The following RPS6KL1 variants were observed in gnomAD, a reference collection of about 807,000 sequenced individuals.
RPS6KL1 encodes the protein ribosomal protein S6 kinase like 1.
RPS6KL1 carries 41 observed loss-of-function variants against 57.0 expected under a neutral mutation model. The ratio of observed to expected loss-of-function variants is 0.72; its 90% confidence interval spans 0.56 to 0.93. RPS6KL1 has a LOEUF of 0.93. Ranked by LOEUF, RPS6KL1 falls within the 40% of genes least tolerant of loss-of-function variation. The probability of loss-of-function intolerance (pLI) is 0.00; values close to 1 mark genes in which losing one functional copy is unlikely to be tolerated. For synonymous variants in RPS6KL1, 287 were observed against 309.7 expected (o/e 0.93, Z 0.77); for missense variants, 697 against 727.7 (o/e 0.96, Z 0.49).
chr14:74,918,554 C>T lies in RPS6KL1; in HGVS notation c.442G>A (p.Glu148Lys). 4 of 1,534,714 alleles carry T rather than the reference C, an allele frequency of 2.6e-6. No individual in the cohort carries two copies. In the South Asian group the frequency reaches 3.6e-5, roughly 14 times the overall value. ...RPIRTLSSAV[E>K]QLRGCRVVGV... ...ACCACCCTGCAGCCCCTCAGCTGCTCCACGGCAGAGCTCAGCGTGCGAATG... is the reference window on the plus strand; with the variant it reads ...ACCACCCTGCAGCCCCTCAGCTGCTTCACGGCAGAGCTCAGCGTGCGAATG... Residue 148 changes from glutamate (E) to lysine (K), a missense_variant, in exon 5 of 12, where the codon GAG becomes AAG. Physicochemically the swap from Glu to Lys is moderately conservative, Grantham distance 56. Transcript: ENST00000557413.
chr14:74,917,997 C>T (rs1887136813), intron 5 of RPS6KL1, among the ~76,000 whole-genome samples: 1 of 152,210 alleles, frequency 6.6e-6, no homozygotes, highest in South Asian at 2.1e-4. Context: ...TAGCTCCTCG[C>T]TCCTCCTGCA....
rs1167481671 is a variant in RPS6KL1, at chr14:74,922,228, C to G, written c.-271G>C. On this transcript the variant is annotated 5_prime_UTR_variant, in exon 2 of 12. Transcript: ENST00000557413. ...CGTAGAGCAAGCTTGGTATCCAGTA[C>G]GCATTCAGCACATGGAGGCCACACA... The G allele has an allele frequency of 1.3e-5, 13 of 986,366 alleles. No homozygotes were observed. The highest frequency in any genetic ancestry group is 1.7e-5 in the African/African-American group (1 of 57,228). The allele number at this position is 986,366 out of a possible 1,614,324, so 61.1% of individuals were successfully genotyped here.
Position 74,906,922 on chromosome 14 carries a change from G to GTTGA in RPS6KL1, c.*91_*92insTCAA, listed in dbSNP as rs1884981746. On this transcript the variant is annotated 3_prime_UTR_variant, in exon 12 of 12. Coordinates refer to ENST00000557413, the MANE Select transcript of RPS6KL1 (RefSeq NM_031464.5). ...GCCCTCCATTCCTCGCCCAAAGCCC[G>GTTGA]CTGATAGAGGGCCAGCCCTGGGTTG... 3.8e-6 allele frequency: 3 copies of GTTGA among 787,954 alleles called. 1 individual carries two copies. The highest frequency in any genetic ancestry group is 5.5e-4 in the Middle Eastern group (2 of 3,646). 48.8% of individuals were successfully genotyped at this position (787,954 alleles called of 1,614,324 possible). A position where few individuals can be genotyped will look rare whatever the true frequency, so the allele number is the denominator to read the frequency against.
chr14:74,914,252 A>G (rs186625209), intron 5 of RPS6KL1, among the ~76,000 whole-genome samples: 189 of 152,360 alleles, frequency 1.2e-3, no homozygotes, highest in African/African-American at 4.4e-3. Flanking sequence ...GCAATGTTAG[A>G]AAAAGCAAGG....
At chr14:74,911,896 T>G in intron 5 of RPS6KL1, 55 bp from the exon 6 acceptor site, 1 of 1,487,052 alleles carries the variant, frequency 6.7e-7, no homozygotes, top group Non-Finnish European at 9.2e-7. Context: ...TGGGGCTCCG[T>G]GACCCCAGCC....
At chr14:74,910,219 C>T (rs955134521) in intron 7 of RPS6KL1, 71 bp from the exon 8 acceptor site, 1 of 1,468,796 alleles carries the variant, frequency 6.8e-7, no homozygotes, top group African/African-American at 1.4e-5. Context: ...GGGCCGGCTC[C>T]CACTCCTGCC....
Position 74,905,262 on chromosome 14 carries a change from C to T in RPS6KL1, c.*1752G>A, listed in dbSNP as rs1276006189. Reference sequence around the variant, plus strand: ...TCATGAAGCGGTGGTTGGAAGTGGTCCAGCCTGACTTAGGGAGAGTAGCAG... The same window carrying T: ...TCATGAAGCGGTGGTTGGAAGTGGTTCAGCCTGACTTAGGGAGAGTAGCAG... On this transcript the variant is annotated 3_prime_UTR_variant, in exon 12 of 12. Transcript: ENST00000557413. The T allele has an allele frequency of 6.6e-6, 1 of 152,018 alleles. No individual in the cohort carries two copies. Among genetic ancestry groups the T allele is most frequent in the African/African-American group, 2.4e-5 (1 of 41,356 alleles). The allele number at this position is 152,018 out of a possible 1,614,324, so 9.4% of individuals were successfully genotyped here. A position where few individuals can be genotyped will look rare whatever the true frequency, so the allele number is the denominator to read the frequency against.
In RPS6KL1 at chr14:74,919,779, G is replaced by A. The variant is rs11844985; in HGVS notation, c.390+66C>T. ...CCAGGGCGGGCCTGTGGGTGTCGGGGCCTCCGCAGTCTCCCCTCAGAGCCC... is the reference window on the plus strand; with the variant it reads ...CCAGGGCGGGCCTGTGGGTGTCGGGACCTCCGCAGTCTCCCCTCAGAGCCC... On this transcript the variant is annotated intron_variant, in intron 4 of 11. Coordinates refer to ENST00000557413, the MANE Select transcript of RPS6KL1 (RefSeq NM_031464.5). 3,691 of 1,565,336 alleles carry A rather than the reference G, an allele frequency of 2.4e-3. 76 individuals carry two copies. The African/African-American group carries it at 0.045, about 19-fold the overall frequency.
At chr14:74,919,711 C>T in intron 4 of RPS6KL1, 134 bp downstream of exon 4, 3 of 969,416 alleles carry the variant, frequency 3.1e-6, no homozygotes, top group Non-Finnish European at 4.5e-6. Context: ...TGGCACACTC[C>T]AGCCCAAATA....
intron 8 of RPS6KL1, 160 bp from the exon 9 acceptor site, chr14:74,909,350 T>C: frequency 3.0e-6 from 3 of 987,358 alleles, no homozygotes; most frequent in Non-Finnish European, 4.6e-6. Flanking sequence ...GGCACAGCAC[T>C]CTGAGGCCCA....
In RPS6KL1 at chr14:74,911,583, ATG is replaced by A. The variant is rs1885987929; in HGVS notation, c.532-205_532-204del. ...GCCAAAGAGGGGGCAGTGTGTGTGC[ATG>A]TGTGTTTGTGTGTATGTGTATGTGT... On this transcript the variant is annotated intron_variant, in intron 6 of 11. Coordinates refer to ENST00000557413, the MANE Select transcript of RPS6KL1 (RefSeq NM_031464.5). 1.1e-5 allele frequency: 7 copies of A among 655,154 alleles called. No individual in the cohort carries two copies. The East Asian group carries it at 1.7e-4, about 16-fold the overall frequency. The allele number at this position is 655,154 out of a possible 1,614,324, so 40.6% of individuals were successfully genotyped here.
chr14:74,919,748 T>A, intron 4 of RPS6KL1, 97 bp downstream of exon 4: 1 of 1,387,794 alleles, frequency 7.2e-7, no homozygotes, highest in Non-Finnish European at 9.8e-7. Flanking sequence ...GCCTCTGCCC[T>A]GCAGCCCAGG....
chr14:74,909,571 G>A lies in RPS6KL1; in HGVS notation c.1242C>T (p.His414=), dbSNP rs369994026. ...CCTGGTCCAGGAGCAGGTTCCCGGG[G>A]TGGAGGTCCCGGCACAGCACCCCCT... The part of the protein sequence containing the change: ...HEQGVLCRDL[H]PGNLLLDQAG... The change falls in exon 8 of 12, where the codon CAC becomes CAT. Residue 414 remains histidine (H), a synonymous_variant. Transcript: ENST00000557413. 2.5e-6 allele frequency: 4 copies of A among 1,609,534 alleles called. No homozygotes were observed. The highest frequency in any genetic ancestry group is 1.7e-5 in the Admixed American group (1 of 59,772).
Position 74,908,892 on chromosome 14 carries a change from C to T in RPS6KL1, c.1401G>A (p.Trp467Ter). The change falls in exon 10 of 12, where the codon TGG (tryptophan) becomes TGA (stop). Residue 467 changes from tryptophan to a stop codon, truncating the protein, a stop_gained. Transcript: ENST00000557413. LOFTEE classifies it high-confidence loss of function. ...GISELTEACDWWSFGSLLYEL... is the reference protein window; with the variant it reads ...GISELTEACD ...CATACAGTAGAGACCCAAAGCTCCA[C>T]CAGTCACAGGCTTCCGTCAGCTCGG... 1 of 1,614,162 alleles carries T rather than the reference C, an allele frequency of 6.2e-7. No individual in the cohort carries two copies. The highest frequency in any genetic ancestry group is 8.5e-7 in the Non-Finnish European group (1 of 1,180,016).
rs1884459554 is a variant in RPS6KL1 at position 74,904,406 on chromosome 14, T to A, written c.*2608A>T. 1 of 151,772 alleles carries A rather than the reference T, an allele frequency of 6.6e-6. No homozygotes were observed. 9.4% of individuals were successfully genotyped at this position (151,772 alleles called of 1,614,324 possible). A position where few individuals can be genotyped will look rare whatever the true frequency, so the allele number is the denominator to read the frequency against. On this transcript the variant is annotated 3_prime_UTR_variant, in exon 12 of 12. Transcript: ENST00000557413. ...ACAGTAATTCCAAAAGGGAGGGGAG[T>A]ATAATGAGGAATGGCTGGCTCCCTC... is the stretch of plus-strand genomic sequence containing the variant.
chr14:74,918,422 C>G lies in RPS6KL1; in HGVS notation c.483+91G>C, dbSNP rs890230699. The G allele has an allele frequency of 7.3e-6, 7 of 958,912 alleles. No homozygotes were observed. In the African/African-American group the frequency reaches 9.8e-5, roughly 13 times the overall value. 59.4% of individuals were successfully genotyped at this position (958,912 alleles called of 1,614,324 possible). On this transcript the variant is annotated intron_variant, in intron 5 of 11. Transcript: ENST00000557413. ...AGGAGTGGGGGCCACTGCTACAGAC[C>G]TGCTTTCAGCATATCATGTCTCTCT...
chr14:74,910,305 C>T (rs3742783), intron 7 of RPS6KL1, 157 bp from the exon 8 acceptor site: 231,158 of 753,848 alleles, frequency 0.31, 37,231 homozygotes, highest in African/African-American at 0.33. Context: ...CTGCTCCCTC[C>T]CACCCCTCAG....
rs374989083 is a variant in RPS6KL1, at chr14:74,909,654, C to T, written c.1159G>A (p.Glu387Lys). 4.5e-5 allele frequency: 73 copies of T among 1,610,820 alleles called. No homozygotes were observed. Among genetic ancestry groups the T allele is most frequent in the Non-Finnish European group, 5.8e-5 (68 of 1,179,958 alleles). Reference sequence around the variant, plus strand: ...TCTGCCGCCCACTGCTTCACCTGCTCCTCTCTCACACTCCAGGTGGCCCTG... The same window carrying T: ...TCTGCCGCCCACTGCTTCACCTGCTTCTCTCTCACACTCCAGGTGGCCCTG... ...CGRATWSVREEQVKQWAAEML... is the reference protein window; with the variant it reads ...CGRATWSVREKQVKQWAAEML... The change falls in exon 8 of 12, where the codon GAG becomes AAG. Residue 387 changes from glutamate (E) to lysine (K), a missense_variant. Coordinates refer to ENST00000557413, the MANE Select transcript of RPS6KL1 (RefSeq NM_031464.5).
chr14:74,910,433 A>G, intron 7 of RPS6KL1: 1 of 314,806 alleles, frequency 3.2e-6, no homozygotes. Flanking sequence ...TGGTGGGTTC[A>G]CTAGTGTGAA....
Sources: gnomAD v4.1 joint callset for allele counts (sites outside exome capture counted in the v4.1 genomes callset) on GRCh38, gnomAD v4.1.1 for gene constraint, MANE v1.5 for transcripts, NCBI Gene and HGNC (gene_info 2026-07-23, HGNC 2026-07-21) for gene names.